OXR1: variants seen among roughly 807,000 people sequenced by gnomAD.
OXR1 encodes oxidation resistance protein 1.
Under a neutral mutation model 104.6 loss-of-function variants are expected in OXR1, and 41 were observed. The ratio of observed to expected loss-of-function variants is 0.39; its 90% confidence interval spans 0.31 to 0.51. OXR1 has a LOEUF of 0.51. Among genes scored for constraint, OXR1 ranks in the 20% least tolerant of loss-of-function variants. The pLI, the probability that OXR1 is intolerant of heterozygous loss-of-function variation, is 0.77. For synonymous variants in OXR1, 348 were observed against 348.4 expected, an observed-to-expected ratio of 1.00 and a Z score of 0.01; for missense variants, 955 against 1,031.9, an observed-to-expected ratio of 0.93 and a Z score of 1.02.
chr8:106,347,582 T>G (rs2130295560), intron 1 of OXR1, among the ~76,000 whole-genome samples: 1 of 152,344 alleles, frequency 6.6e-6, no homozygotes, highest in East Asian at 1.9e-4. Context: ...TCTACTAGGT[T>G]GTACAGGGAC....
Position 106,713,124 on chromosome 8 carries a change from A to T in OXR1, c.1794-699A>T, listed in dbSNP as rs28921432. Reference sequence around the variant, plus strand: ...GAATGGCAATTTTAAAAATCATTATATTGAAAATATAATTTCTAGAACCAT... The same window carrying T: ...GAATGGCAATTTTAAAAATCATTATTTTGAAAATATAATTTCTAGAACCAT... On this transcript the variant is annotated intron_variant, in intron 10 of 16. Transcript: ENST00000517566. Among the ~76,000 whole-genome samples the T allele has an allele frequency of 5.3e-5, 8 of 152,138 alleles. No individual in the cohort carries two copies. In the East Asian group the frequency reaches 1.3e-3, roughly 26 times the overall value.
chr8:106,326,421 T>C (rs532140398), intron 1 of OXR1, among the ~76,000 whole-genome samples: 40 of 152,354 alleles, frequency 2.6e-4, no homozygotes, highest in Middle Eastern at 3.4e-3. Context: ...AAGTGACTCT[T>C]GTTTTCCAAG....
chr8:106,561,183 G>A (rs755727279), intron 3 of OXR1, among the ~76,000 whole-genome samples: 3 of 151,970 alleles, frequency 2.0e-5, no homozygotes, highest in African/African-American at 2.4e-5. Flanking sequence ...CTTGCTCAGC[G>A]GATCCCACCC....
intron 1 of OXR1, chr8:106,271,766 C>G (rs1441563180): frequency 6.6e-6 from 1 of 152,278 alleles, no homozygotes; most frequent in East Asian, 1.9e-4. Flanking sequence ...CACTTACATC[C>G]CAAACCTGAT....
chr8:106,508,203 G>A (rs1183853523), intron 2 of OXR1, among the ~76,000 whole-genome samples: 1 of 152,218 alleles, frequency 6.6e-6, no homozygotes, highest in African/African-American at 2.4e-5. Context: ...TAGAGAACAT[G>A]TGGAGAGATT....
At chr8:106,426,776 A>C (rs967562023) in intron 2 of OXR1, among the ~76,000 whole-genome samples, 3 of 152,178 alleles carry the variant, frequency 2.0e-5, no homozygotes, top group Non-Finnish European at 4.4e-5. Context: ...ATGGTGTATG[A>C]ACATTATTTG....
chr8:106,408,315 C>G (rs1818323449), intron 2 of OXR1, among the ~76,000 whole-genome samples: 1 of 150,590 alleles, frequency 6.6e-6, no homozygotes, highest in African/African-American at 2.4e-5. Flanking sequence ...TTTTTTTTTT[C>G]CCACTGCTCT....
At chr8:106,283,366 G>C (rs1401150940) in intron 1 of OXR1, among the ~76,000 whole-genome samples, 3 of 152,182 alleles carry the variant, frequency 2.0e-5, no homozygotes, top group African/African-American at 4.8e-5. Flanking sequence ...GATGGAGAGA[G>C]GCAGCTCTGA....
intron 1 of OXR1, among the ~76,000 whole-genome samples, chr8:106,305,501 A>T (rs1003219492): frequency 5.3e-5 from 8 of 152,186 alleles, no homozygotes; most frequent in African/African-American, 1.9e-4. Flanking sequence ...TCTCACTACA[A>T]TAAAAATGAT....
At chr8:106,662,139 G>A (rs1211661852) in intron 3 of OXR1, among the ~76,000 whole-genome samples, 2 of 152,178 alleles carry the variant, frequency 1.3e-5, no homozygotes, top group African/African-American at 2.4e-5. Context: ...TTTCAACTTT[G>A]AATCTGGGAC....
chr8:106,334,566 A>G (rs1490363204), intron 1 of OXR1, among the ~76,000 whole-genome samples: 7 of 152,166 alleles, frequency 4.6e-5, no homozygotes, highest in Admixed American at 1.3e-4. Context: ...AAATTTGGAT[A>G]CCATTTAAAT....
chr8:106,622,798 A>G (rs12114857), intron 3 of OXR1, among the ~76,000 whole-genome samples: 31,364 of 151,992 alleles, frequency 0.21, 3,639 homozygotes, highest in East Asian at 0.38. Flanking sequence ...ACACATATTT[A>G]TCTACCTTAT....
At chr8:106,647,115 T>A (rs1824149923) in intron 3 of OXR1, among the ~76,000 whole-genome samples, 1 of 152,248 alleles carries the variant, frequency 6.6e-6, no homozygotes, top group Non-Finnish European at 1.5e-5. Context: ...TTGTTAACGA[T>A]GCTATTGCTG....
At chr8:106,582,530 G>A (rs924492073) in intron 3 of OXR1, among the ~76,000 whole-genome samples, 2 of 151,790 alleles carry the variant, frequency 1.3e-5, no homozygotes, top group Admixed American at 1.3e-4. Context: ...AATGGAGAGC[G>A]TTAAATAAAA....
intron 2 of OXR1, among the ~76,000 whole-genome samples, chr8:106,440,338 A>T (rs1044912438): frequency 6.6e-6 from 1 of 152,128 alleles, no homozygotes; most frequent in Non-Finnish European, 1.5e-5. Flanking sequence ...TTTGTCCTCA[A>T]TCCTCATGTC....
At chr8:106,495,103 G>C (rs780561500) in intron 2 of OXR1, among the ~76,000 whole-genome samples, 2 of 151,640 alleles carry the variant, frequency 1.3e-5, no homozygotes, top group Non-Finnish European at 2.9e-5. Flanking sequence ...AATGAATATA[G>C]GTATTGGTAA....
intron 4 of OXR1, among the ~76,000 whole-genome samples, chr8:106,681,352 C>A (rs1344821664): frequency 2.6e-5 from 4 of 151,930 alleles, no homozygotes; most frequent in Admixed American, 6.6e-5. Context: ...GTAGGCAGAA[C>A]TAGATTATTA....
At chr8:106,462,298 T>C (rs1468112536) in intron 2 of OXR1, among the ~76,000 whole-genome samples, 2 of 152,224 alleles carry the variant, frequency 1.3e-5, no homozygotes, top group African/African-American at 2.4e-5. Flanking sequence ...AAGGTTTACC[T>C]GATTGTTATG....
At chr8:106,452,668 T>G (rs751268251) in intron 2 of OXR1, among the ~76,000 whole-genome samples, 1 of 152,180 alleles carries the variant, frequency 6.6e-6, no homozygotes, top group Non-Finnish European at 1.5e-5. Context: ...GGAATTGTAC[T>G]TTATGAGAAC....
Sources: allele counts gnomAD v4.1 joint callset (sites outside exome capture counted in the v4.1 genomes callset), GRCh38; gene constraint gnomAD v4.1.1; transcripts MANE v1.5; gene names NCBI Gene and HGNC (gene_info 2026-07-23, HGNC 2026-07-21).